Variants in PASD1 observed in about 807,000 individuals in gnomAD.
The protein encoded by PASD1 is circadian clock protein PASD1.
PASD1 carries 13 observed loss-of-function variants against 58.8 expected under a neutral mutation model. That is an observed-to-expected ratio of 0.22 (90% confidence interval 0.14 to 0.35). The LOEUF is 0.35. PASD1 is among the 10% of genes least tolerant of loss of function. The pLI is 1.00. For missense variants in PASD1, 734 were observed against 568.3 expected, an observed-to-expected ratio of 1.29 and a Z score of -2.96; for synonymous variants, 236 against 216.7, an observed-to-expected ratio of 1.09 and a Z score of -0.78.
intron 1 of PASD1, among the ~76,000 whole-genome samples, chrX:151,568,360 A>T (rs1488180205): frequency 9.0e-6 from 1 of 111,436 alleles, no homozygotes; most frequent in African/African-American, 3.3e-5. Context: ...TTGTTCCTTG[A>T]TTATAGAGTG....
At chrX:151,619,351 T>G (rs1296483012) in intron 4 of PASD1, among the ~76,000 whole-genome samples, 1 of 111,333 alleles carries the variant, frequency 9.0e-6, no homozygotes, top group East Asian at 2.8e-4. Context: ...GAAATCCGAT[T>G]AGACATCCAA....
At chrX:151,617,732 G>A (rs62609270) in intron 4 of PASD1, among the ~76,000 whole-genome samples, 1,593 of 112,063 alleles carry the variant, frequency 0.014, 16 homozygotes, top group Middle Eastern at 0.032. Context: ...TGGACTTGAG[G>A]CAGCTATGGT....
intron 1 of PASD1, among the ~76,000 whole-genome samples, chrX:151,582,324 C>T (rs1313474414): frequency 1.8e-5 from 2 of 110,716 alleles, no homozygotes; most frequent in African/African-American, 6.6e-5. Context: ...GTCACCTAGG[C>T]TGGAGTACAG....
chrX:151,594,059 G>A (rs184415023), intron 1 of PASD1, among the ~76,000 whole-genome samples: 25 of 110,762 alleles, frequency 2.3e-4, no homozygotes, highest in African/African-American at 5.9e-4. Flanking sequence ...CTGCAATCTC[G>A]GCCTCCTGGA....
rs889903890 is a variant in PASD1 at position 151,640,376 on chromosome X, G to T, written c.630-8239G>T. On this transcript the variant is annotated intron_variant, in intron 8 of 15. Coordinates refer to ENST00000370357, the MANE Select transcript of PASD1 (RefSeq NM_173493.3). ...TAGTTTTTAGACTGGAAAAATATTT[G>T]ATAATGGATCCAAATATGAAAATAA... Among the ~76,000 whole-genome samples the T allele has an allele frequency of 1.1e-4, 12 of 111,762 alleles. No individual in the cohort carries two copies. The Admixed American group carries it at 1.1e-3, about 11-fold the overall frequency.
intron 1 of PASD1, among the ~76,000 whole-genome samples, chrX:151,600,656 T>C (rs1311852351): frequency 9.0e-6 from 1 of 110,838 alleles, no homozygotes; most frequent in African/African-American, 3.3e-5. Context: ...CTTCGCTGTT[T>C]GGGTTATTTT....
chrX:151,652,132 T>G, intron 9 of PASD1, among the ~76,000 whole-genome samples: 1 of 112,127 alleles, frequency 8.9e-6, no homozygotes, highest in Middle Eastern at 4.6e-3. Flanking sequence ...ATTCATCAGT[T>G]AACAAAACAG....
At chrX:151,621,881 T>C (rs2013716375) in intron 6 of PASD1, among the ~76,000 whole-genome samples, 1 of 109,838 alleles carries the variant, frequency 9.1e-6, no homozygotes, top group African/African-American at 3.3e-5. Flanking sequence ...TAAAGGGGAC[T>C]CTGTGGGTCT....
chrX:151,613,314 T>C (rs1406855933), intron 4 of PASD1, among the ~76,000 whole-genome samples: 2 of 109,968 alleles, frequency 1.8e-5, no homozygotes, highest in Non-Finnish European at 3.8e-5. Context: ...CTTTTTTGGT[T>C]CCATATGAAC....
At chrX:151,618,842 T>TGA (rs745917610) in intron 4 of PASD1, among the ~76,000 whole-genome samples, 27 of 106,822 alleles carry the variant, frequency 2.5e-4, no homozygotes, top group East Asian at 8.8e-4. Context: ...TGGAGTGCAG[T>TGA]GAGAGAGAGA....
chrX:151,623,196 G>A, intron 7 of PASD1, 132 bp downstream of exon 7: 1 of 730,754 alleles, frequency 1.4e-6, no homozygotes, highest in Non-Finnish European at 1.9e-6. Flanking sequence ...GGTTGTGCTG[G>A]GATATGTAAA....
intron 15 of PASD1, among the ~76,000 whole-genome samples, chrX:151,675,597 G>A (rs189681626): frequency 9.1e-4 from 102 of 112,168 alleles, no homozygotes; most frequent in South Asian, 3.8e-3. Flanking sequence ...GGGTTGGTAC[G>A]TCTCCTGTCA....
intron 11 of PASD1, among the ~76,000 whole-genome samples, chrX:151,667,701 C>T (rs1447758305): frequency 9.0e-6 from 1 of 111,420 alleles, no homozygotes; most frequent in South Asian, 3.8e-4. Context: ...AGATATGTGG[C>T]ATTATTTCTG....
chrX:151,599,263 C>G (rs1259672258), intron 1 of PASD1, among the ~76,000 whole-genome samples: 12 of 112,800 alleles, frequency 1.1e-4, no homozygotes, highest in Non-Finnish European at 2.1e-4. Context: ...TCTTTCTTTT[C>G]CCCACATTTC....
chrX:151,579,397 C>G (rs2013054216), intron 1 of PASD1, among the ~76,000 whole-genome samples: 1 of 111,642 alleles, frequency 9.0e-6, no homozygotes, highest in African/African-American at 3.3e-5. Context: ...AAGTTTTACC[C>G]TTACATGAGT....
rs2012925952 is a variant in PASD1 at position 151,571,406 on chromosome X, C to G, written c.-28+7567C>G. On this transcript the variant is annotated intron_variant, in intron 1 of 15. Coordinates refer to ENST00000370357, the MANE Select transcript of PASD1 (RefSeq NM_173493.3). ...CTCATCTCCTCCTTAGTTGCTTTGG[C>G]TCTTTTCTCTCTCCTTGGTGCTGTG... Among the ~76,000 whole-genome samples, 4 of 111,740 alleles carry G rather than the reference C, an allele frequency of 3.6e-5. No homozygotes were observed. The South Asian group carries it at 1.5e-3, about 42-fold the overall frequency.
chrX:151,622,586 T>TACACACACACACACACACACACAC (rs202044764), intron 6 of PASD1, among the ~76,000 whole-genome samples: 1 of 96,758 alleles, frequency 1.0e-5, no homozygotes, highest in Non-Finnish European at 2.1e-5. Flanking sequence ...GTGCACAGAT[T>TACACACACACACACACACACACAC]ACACACACAC....
At chrX:151,666,581 G>A (rs1268121248) in intron 11 of PASD1, among the ~76,000 whole-genome samples, 1 of 99,115 alleles carries the variant, frequency 1.0e-5, no homozygotes, top group Non-Finnish European at 2.0e-5. Context: ...TCCCCTTCCT[G>A]TGTCCAAGTG....
intron 8 of PASD1, among the ~76,000 whole-genome samples, chrX:151,628,556 GT>G (rs1255617742): frequency 1.6e-4 from 18 of 111,811 alleles, no homozygotes; most frequent in African/African-American, 5.5e-4. Context: ...CTATATCTCT[GT>G]TTTGGTACCA....
Sources: gnomAD v4.1 joint callset for allele counts (sites outside exome capture counted in the v4.1 genomes callset) on GRCh38, gnomAD v4.1.1 for gene constraint, MANE v1.5 for transcripts, NCBI Gene and HGNC (gene_info 2026-07-23, HGNC 2026-07-21) for gene names.